Variants in NETO1 observed in about 807,000 individuals in gnomAD.
The protein encoded by NETO1 is neuropilin and tolloid-like protein 1.
Under a neutral mutation model 61.3 loss-of-function variants are expected in NETO1, and 26 were observed. That is an observed-to-expected ratio of 0.42 (90% CI 0.31 to 0.59). The LOEUF (loss-of-function observed/expected upper bound fraction) is 0.59, where lower values mean the gene tolerates loss of function less well. NETO1 is among the 20% of genes least tolerant of loss of function. The probability of loss-of-function intolerance (pLI) is 0.12; values close to 1 mark genes in which losing one functional copy is unlikely to be tolerated. For synonymous variants in NETO1, 225 were observed against 225.8 expected (o/e 1.00, Z 0.03); for missense variants, 531 against 662.8 (o/e 0.80, Z 2.18).
At chr18:72,846,396 T>C (rs1238208668) in intron 4 of NETO1, among the ~76,000 whole-genome samples, 1 of 146,870 alleles carries the variant, frequency 6.8e-6, no homozygotes, top group Non-Finnish European at 1.5e-5. Flanking sequence ...TCCCAGCTAC[T>C]GGGGAGGCTG....
intron 4 of NETO1, among the ~76,000 whole-genome samples, chr18:72,855,344 A>C (rs573488874): frequency 1.3e-5 from 2 of 152,192 alleles, no homozygotes; most frequent in Non-Finnish European, 2.9e-5. Context: ...CTCCTTGATT[A>C]CTGCTCAATC....
At chr18:72,855,829 C>T (rs2074397171) in intron 4 of NETO1, among the ~76,000 whole-genome samples, 1 of 152,186 alleles carries the variant, frequency 6.6e-6, no homozygotes, top group African/African-American at 2.4e-5. Flanking sequence ...AAGAAACAAC[C>T]TGTGTTAGGA....
chr18:72,771,924 T>C (rs2071364659), intron 7 of NETO1, among the ~76,000 whole-genome samples: 1 of 152,188 alleles, frequency 6.6e-6, no homozygotes, highest in Non-Finnish European at 1.5e-5. Flanking sequence ...ATGTCAGAAG[T>C]CCAGGCAGGG....
intron 4 of NETO1, among the ~76,000 whole-genome samples, chr18:72,796,760 G>A (rs954303771): frequency 1.1e-4 from 17 of 151,750 alleles, no homozygotes; most frequent in South Asian, 1.0e-3. Context: ...CACCGCGCCC[G>A]GCCGAAAATA....
chr18:72,767,923 C>A (rs2145162297), intron 7 of NETO1, among the ~76,000 whole-genome samples: 1 of 152,322 alleles, frequency 6.6e-6, no homozygotes, highest in African/African-American at 2.4e-5. Flanking sequence ...TAGCCACCTT[C>A]TGCTGACCAT....
intron 8 of NETO1, among the ~76,000 whole-genome samples, chr18:72,751,707 A>C (rs1034590474): frequency 6.6e-6 from 1 of 152,178 alleles, no homozygotes; most frequent in Non-Finnish European, 1.5e-5. Context: ...TGACAACACC[A>C]CATGTTAGCA....
intron 4 of NETO1, among the ~76,000 whole-genome samples, chr18:72,805,153 T>C (rs181323014): frequency 6.6e-6 from 1 of 152,356 alleles, no homozygotes; most frequent in African/African-American, 2.4e-5. Context: ...AAACCATTTA[T>C]TAATTGGCCA....
At chr18:72,854,761 T>C (rs1044236345) in intron 4 of NETO1, among the ~76,000 whole-genome samples, 2 of 152,338 alleles carry the variant, frequency 1.3e-5, no homozygotes, top group Non-Finnish European at 2.9e-5. Flanking sequence ...TTATCAAGTA[T>C]AGTCTTTTCT....
chr18:72,772,212 A>C (rs2071374851), intron 7 of NETO1, among the ~76,000 whole-genome samples: 1 of 152,124 alleles, frequency 6.6e-6, no homozygotes, highest in African/African-American at 2.4e-5. Context: ...TGTTCACTAC[A>C]GTTAAAAATC....
At chr18:72,775,664 T>C (rs12960015) in intron 7 of NETO1, among the ~76,000 whole-genome samples, 45,741 of 152,066 alleles carry the variant, frequency 0.3, 8,040 homozygotes, top group South Asian at 0.48. Context: ...TTCATAATCA[T>C]TATCATCATC....
At chr18:72,773,793 G>A (rs1229340889) in intron 7 of NETO1, among the ~76,000 whole-genome samples, 1 of 152,102 alleles carries the variant, frequency 6.6e-6, no homozygotes, top group Admixed American at 6.6e-5. Context: ...AAATTACCCA[G>A]TCTTGAGTAT....
intron 7 of NETO1, among the ~76,000 whole-genome samples, chr18:72,763,397 G>A (rs1170917198): frequency 1.3e-5 from 2 of 152,082 alleles, no homozygotes; most frequent in Non-Finnish European, 2.9e-5. Context: ...CTTAGGGTCT[G>A]GCTCTCTTCA....
chr18:72,780,756 A>C (rs1304467160), intron 7 of NETO1, among the ~76,000 whole-genome samples: 1 of 152,192 alleles, frequency 6.6e-6, no homozygotes, highest in Non-Finnish European at 1.5e-5. Context: ...GAGACCCATG[A>C]GACATAGGTG....
intron 8 of NETO1, among the ~76,000 whole-genome samples, chr18:72,752,793 A>G (rs1423066560): frequency 2.0e-5 from 3 of 152,178 alleles, no homozygotes; most frequent in African/African-American, 4.8e-5. Flanking sequence ...CTCATCAAAT[A>G]GAGAATATTA....
At chr18:72,752,683 G>A (rs930685671) in intron 8 of NETO1, among the ~76,000 whole-genome samples, 6 of 152,074 alleles carry the variant, frequency 3.9e-5, no homozygotes, top group African/African-American at 2.4e-5. Flanking sequence ...TGGGGAGCCG[G>A]ATATTGGAGT....
intron 4 of NETO1, among the ~76,000 whole-genome samples, chr18:72,840,448 G>A (rs959439771): frequency 2.6e-5 from 4 of 152,158 alleles, no homozygotes; most frequent in Non-Finnish European, 4.4e-5. Flanking sequence ...CAAACAAATC[G>A]CTGAGTGCCA....
chr18:72,791,742 G>T (rs1227306882), intron 6 of NETO1, among the ~76,000 whole-genome samples: 4 of 152,258 alleles, frequency 2.6e-5, no homozygotes, highest in African/African-American at 9.6e-5. Context: ...ATATAATCCT[G>T]TTTTTTAAAA....
At chr18:72,764,167 C>T (rs1428743579) in intron 7 of NETO1, among the ~76,000 whole-genome samples, 1 of 152,136 alleles carries the variant, frequency 6.6e-6, no homozygotes, top group African/African-American at 2.4e-5. Flanking sequence ...TATCAGAGTA[C>T]ATTTACATCT....
chr18:72,757,269 A>G (rs771031224), intron 7 of NETO1, among the ~76,000 whole-genome samples: 6 of 152,134 alleles, frequency 3.9e-5, no homozygotes, highest in Admixed American at 6.5e-5. Context: ...TCAAAACTGT[A>G]TATTACATAA....
Sources: gnomAD v4.1 joint callset for allele counts (sites outside exome capture counted in the v4.1 genomes callset) on GRCh38, gnomAD v4.1.1 for gene constraint, MANE v1.5 for transcripts, NCBI Gene and HGNC (gene_info 2026-07-23, HGNC 2026-07-21) for gene names.